Variants in NKAIN2 observed in about 807,000 individuals in gnomAD.
NKAIN2 encodes the protein sodium/potassium transporting ATPase interacting 2.
Under a neutral mutation model 32.6 loss-of-function variants are expected in NKAIN2, and 14 were observed. That is an observed-to-expected ratio of 0.43 (90% CI 0.28 to 0.67). The LOEUF (loss-of-function observed/expected upper bound fraction) is 0.67, where lower values mean the gene tolerates loss of function less well. NKAIN2 is among the 30% of genes least tolerant of loss of function. The probability of loss-of-function intolerance (pLI) is 0.17; values close to 1 mark genes in which losing one functional copy is unlikely to be tolerated. For synonymous variants in NKAIN2, 80 were observed against 87.2 expected, an observed-to-expected ratio of 0.92 and a Z score of 0.46; for missense variants, 198 against 258.3, an observed-to-expected ratio of 0.77 and a Z score of 1.60.
chr6:123,822,965 T>C (rs1773988479), intron 1 of NKAIN2, among the ~76,000 whole-genome samples: 4 of 151,648 alleles, frequency 2.6e-5, no homozygotes, highest in Admixed American at 2.6e-4. Flanking sequence ...GTTTAAATTT[T>C]ATGTGATAAG....
chr6:124,603,753 G>T lies in NKAIN2; in HGVS notation c.274-54433G>T, dbSNP rs189740969. Among the ~76,000 whole-genome samples the T allele has an allele frequency of 4.6e-5, 7 of 151,958 alleles. No homozygotes were observed. The East Asian group carries it at 1.2e-3, about 25-fold the overall frequency. ...AAGGGACAAGAAAGTGGGAAATAGG[G>T]CTAACCAGACTGTCCCGGGAAAACC... On this transcript the variant is annotated intron_variant, in intron 3 of 6. Transcript: ENST00000368417.
At chr6:124,508,095 GAAA>G (rs61476933) in intron 3 of NKAIN2, among the ~76,000 whole-genome samples, 14 of 137,762 alleles carry the variant, frequency 1.0e-4, no homozygotes, top group African/African-American at 3.2e-4. Context: ...TGTACCAAAA[GAAA>G]AAAAAAAAAA....
intron 1 of NKAIN2, among the ~76,000 whole-genome samples, chr6:124,077,612 A>G (rs1407032556): frequency 2.0e-5 from 3 of 152,188 alleles, no homozygotes; most frequent in East Asian, 1.9e-4. Context: ...GTGAATTGCC[A>G]TATGCCAAAT....
At chr6:124,513,163 T>C (rs1418351502) in intron 3 of NKAIN2, among the ~76,000 whole-genome samples, 1 of 152,152 alleles carries the variant, frequency 6.6e-6, no homozygotes, top group Non-Finnish European at 1.5e-5. Context: ...TGAAAAACAT[T>C]AAACTAAAAT....
intron 1 of NKAIN2, among the ~76,000 whole-genome samples, chr6:123,991,070 T>C (rs1779389976): frequency 6.6e-6 from 1 of 152,224 alleles, no homozygotes; most frequent in African/African-American, 2.4e-5. Flanking sequence ...ATACATGTTA[T>C]ATGTTTCAAT....
At chr6:124,227,018 T>A (rs556582130) in intron 1 of NKAIN2, among the ~76,000 whole-genome samples, 15 of 151,662 alleles carry the variant, frequency 9.9e-5, no homozygotes, top group Admixed American at 7.3e-4. Flanking sequence ...TTTATACTCT[T>A]GTGCGATTTG....
intron 1 of NKAIN2, among the ~76,000 whole-genome samples, chr6:124,152,027 G>C (rs2114397288): frequency 6.6e-6 from 1 of 151,564 alleles, no homozygotes; most frequent in South Asian, 2.1e-4. Flanking sequence ...TAAAATCCTT[G>C]CTTTCTCAAT....
chr6:123,845,342 C>T (rs549053833), intron 1 of NKAIN2, among the ~76,000 whole-genome samples: 4 of 152,274 alleles, frequency 2.6e-5, no homozygotes, highest in African/African-American at 9.6e-5. Context: ...AATGTAATAA[C>T]TTTCAAACAT....
chr6:124,084,081 T>G (rs1288874381), intron 1 of NKAIN2, among the ~76,000 whole-genome samples: 1 of 151,950 alleles, frequency 6.6e-6, no homozygotes. Context: ...GATTTTAGAT[T>G]ATCCCAGATT....
intron 1 of NKAIN2, among the ~76,000 whole-genome samples, chr6:123,851,244 A>ATTTTTTTTTTTTT: frequency 1.1e-5 from 1 of 88,192 alleles, no homozygotes; most frequent in Non-Finnish European, 2.0e-5. Flanking sequence ...TGGTGGTTCT[A>ATTTTTTTTTTTTT]TTTTTTTTTT....
rs142758014 is a variant in NKAIN2, at chr6:124,112,476, T to C, written c.55-170529T>C. ...TTGTATGGGACTGGTCACATTTTCT[T>C]GATGAATTCAAAATTCTCGTTTGTC... On this transcript the variant is annotated intron_variant, in intron 1 of 6. Transcript: ENST00000368417. 9.7e-4 allele frequency among the ~76,000 whole-genome samples: 147 copies of C among 152,316 alleles called. 1 individual carries two copies. Among genetic ancestry groups the C allele is most frequent in the African/African-American group, 3.3e-3 (139 of 41,574 alleles).
At chr6:124,164,020 A>G (rs1158862610) in intron 1 of NKAIN2, among the ~76,000 whole-genome samples, 1 of 152,036 alleles carries the variant, frequency 6.6e-6, no homozygotes, top group Non-Finnish European at 1.5e-5. Flanking sequence ...ACCAATGGAT[A>G]GTCCATATTT....
chr6:124,515,420 C>T lies in NKAIN2; in HGVS notation c.274-142766C>T, dbSNP rs542680485. Among the ~76,000 whole-genome samples the T allele has an allele frequency of 2.0e-5, 3 of 152,094 alleles. No homozygotes were observed. In the South Asian group the frequency reaches 6.2e-4, roughly 32 times the overall value. On this transcript the variant is annotated intron_variant, in intron 3 of 6. Coordinates refer to ENST00000368417, the MANE Select transcript of NKAIN2 (RefSeq NM_001040214.3). ...GCACCTCCCACCTCTCTCCTCCTTT[C>T]TTTCTGGCCAGTGTGTGCAGAGATC... is the stretch of plus-strand genomic sequence containing the variant.
intron 1 of NKAIN2, among the ~76,000 whole-genome samples, chr6:124,119,984 G>A (rs1238496513): frequency 1.3e-5 from 2 of 152,074 alleles, no homozygotes; most frequent in Admixed American, 1.3e-4. Flanking sequence ...GGATCCCAGA[G>A]TAACGTAAAG....
At chr6:124,739,943 T>C (rs1339334085) in intron 4 of NKAIN2, among the ~76,000 whole-genome samples, 2 of 151,802 alleles carry the variant, frequency 1.3e-5, no homozygotes, top group South Asian at 2.1e-4. Flanking sequence ...GAGCAAAGCA[T>C]GGGAAAGGTT....
intron 3 of NKAIN2, among the ~76,000 whole-genome samples, chr6:124,404,236 G>A (rs1166524504): frequency 6.6e-6 from 1 of 152,110 alleles, no homozygotes; most frequent in African/African-American, 2.4e-5. Context: ...TTGGAAGATA[G>A]GAGGATTTCT....
intron 1 of NKAIN2, among the ~76,000 whole-genome samples, chr6:124,194,058 T>A (rs1383219583): frequency 6.6e-6 from 1 of 152,060 alleles, no homozygotes; most frequent in East Asian, 1.9e-4. Flanking sequence ...GGGGCTTTTA[T>A]GGGTCTCAGT....
intron 1 of NKAIN2, among the ~76,000 whole-genome samples, chr6:124,210,492 G>C (rs802241): frequency 0.58 from 87,509 of 151,530 alleles, 27,801 homozygotes; most frequent in South Asian, 0.71. Context: ...GATGGGGACT[G>C]CACTGAATTG....
chr6:124,244,936 A>G (rs1793314000), intron 1 of NKAIN2, among the ~76,000 whole-genome samples: 1 of 152,056 alleles, frequency 6.6e-6, no homozygotes, highest in Non-Finnish European at 1.5e-5. Flanking sequence ...TCATTTGTCT[A>G]GAAATTTTGC....
Sources: gnomAD v4.1 joint callset for allele counts (sites outside exome capture counted in the v4.1 genomes callset) on GRCh38, gnomAD v4.1.1 for gene constraint, MANE v1.5 for transcripts, NCBI Gene and HGNC (gene_info 2026-07-23, HGNC 2026-07-21) for gene names.